KHDRBS2: variants seen among roughly 807,000 people sequenced by gnomAD.
KHDRBS2 encodes the protein KH RNA binding domain containing, signal transduction associated 2.
Under a neutral mutation model 44.3 loss-of-function variants are expected in KHDRBS2, and 26 were observed. The observed-to-expected ratio is 0.59, with a 90% CI of 0.43 to 0.81. KHDRBS2 has a LOEUF of 0.81. KHDRBS2 is among the 40% of genes least tolerant of loss of function. KHDRBS2 has a pLI of 0.00. For synonymous variants in KHDRBS2, 194 were observed against 151.1 expected, an observed-to-expected ratio of 1.28 and a Z score of -2.08; for missense variants, 476 against 433.1, an observed-to-expected ratio of 1.10 and a Z score of -0.88.
intron 6 of KHDRBS2, among the ~76,000 whole-genome samples, chr6:61,836,320 C>T (rs989028936): frequency 3.3e-5 from 5 of 152,108 alleles, no homozygotes; most frequent in East Asian, 3.9e-4. Flanking sequence ...CATAAACACA[C>T]GCAGGTTTCC....
Position 62,167,886 on chromosome 6 carries a change from T to G in KHDRBS2, c.219+9299A>C, listed in dbSNP as rs566382908. Among the ~76,000 whole-genome samples, 10 of 152,316 alleles carry G rather than the reference T, an allele frequency of 6.6e-5. No individual in the cohort carries two copies. In the East Asian group the frequency reaches 1.9e-3, roughly 29 times the overall value. ...TAGTTTCCACATTTAGGAACTATTC[T>G]TAAATGATCTGATAACTACTTTAAA... On this transcript the variant is annotated intron_variant, in intron 2 of 8. Coordinates refer to ENST00000281156, the MANE Select transcript of KHDRBS2 (RefSeq NM_152688.4).
Position 61,680,366 on chromosome 6 carries a change from A to G in KHDRBS2, c.*597T>C, listed in dbSNP as rs1412872998. ...TTTTTTTTTCTTTTTTAACAAATACAGGTTAAAACACTGAACAAATTCAGT... is the reference window on the plus strand; with the variant it reads ...TTTTTTTTTCTTTTTTAACAAATACGGGTTAAAACACTGAACAAATTCAGT... On this transcript the variant is annotated 3_prime_UTR_variant, in exon 9 of 9. Transcript: ENST00000281156. 6.6e-6 allele frequency: 1 copy of G among 152,228 alleles called. No homozygotes were observed. Among genetic ancestry groups the G allele is most frequent in the Non-Finnish European group, 1.5e-5 (1 of 67,862 alleles). The allele number at this position is 152,228 out of a possible 1,614,324, so 9.4% of individuals were successfully genotyped here.
At chr6:61,978,309 T>C in intron 3 of KHDRBS2, 97 bp from the exon 4 acceptor site, 1 of 874,422 alleles carries the variant, frequency 1.1e-6, no homozygotes, top group Non-Finnish European at 1.7e-6. Flanking sequence ...TTTAAGCAAA[T>C]TTTCCATAAT....
At chr6:61,879,465 T>C (rs1799908824) in intron 6 of KHDRBS2, among the ~76,000 whole-genome samples, 1 of 151,968 alleles carries the variant, frequency 6.6e-6, no homozygotes, top group Non-Finnish European at 1.5e-5. Context: ...TTTTCAGGCC[T>C]ATGTCTGATA....
At chr6:61,959,379 C>T (rs1362774988) in intron 4 of KHDRBS2, among the ~76,000 whole-genome samples, 1 of 152,100 alleles carries the variant, frequency 6.6e-6, no homozygotes, top group Non-Finnish European at 1.5e-5. Context: ...CATTAACAGG[C>T]AGTAAAATGA....
At chr6:62,120,596 C>G (rs542164288) in intron 2 of KHDRBS2, among the ~76,000 whole-genome samples, 2 of 152,152 alleles carry the variant, frequency 1.3e-5, no homozygotes, top group Non-Finnish European at 2.9e-5. Flanking sequence ...TAGTCTGATT[C>G]ATGTAGAGCT....
At chr6:61,956,839 A>C (rs996613275) in intron 4 of KHDRBS2, among the ~76,000 whole-genome samples, 5 of 152,062 alleles carry the variant, frequency 3.3e-5, no homozygotes, top group African/African-American at 1.2e-4. Flanking sequence ...TGATTTTTTT[A>C]AGGTCTGAGT....
intron 6 of KHDRBS2, among the ~76,000 whole-genome samples, chr6:61,827,687 T>A (rs574611748): frequency 6.6e-6 from 1 of 152,220 alleles, no homozygotes; most frequent in East Asian, 1.9e-4. Context: ...GAGATCAGAG[T>A]ACCAGTGTGG....
At chr6:62,240,589 A>AATACATATAC (rs1834437993) in intron 1 of KHDRBS2, among the ~76,000 whole-genome samples, 1 of 148,148 alleles carries the variant, frequency 6.8e-6, no homozygotes, top group Non-Finnish European at 1.5e-5. Context: ...ATATATACAT[A>AATACATATAC]ATACATATAC....
chr6:61,642,846 T>A, the KHDRBS2 span, among the ~76,000 whole-genome samples: 1 of 152,152 alleles, frequency 6.6e-6, no homozygotes, highest in South Asian at 2.1e-4. Flanking sequence ...AAATACATTT[T>A]ATTACTTTAT....
At chr6:61,817,229 A>G (rs1789109879) in intron 6 of KHDRBS2, among the ~76,000 whole-genome samples, 1 of 151,986 alleles carries the variant, frequency 6.6e-6, no homozygotes, top group Non-Finnish European at 1.5e-5. Context: ...AGTTTTTTAA[A>G]AAAGCACTTA....
chr6:62,141,696 T>G (rs530567738), intron 2 of KHDRBS2, among the ~76,000 whole-genome samples: 18 of 152,158 alleles, frequency 1.2e-4, no homozygotes, highest in Non-Finnish European at 2.4e-4. Flanking sequence ...ATAGTAAACA[T>G]TTCTTCTTTT....
chr6:61,726,584 C>A (rs78380463), intron 7 of KHDRBS2, among the ~76,000 whole-genome samples: 1 of 152,136 alleles, frequency 6.6e-6, no homozygotes, highest in African/African-American at 2.4e-5. Context: ...CCTCAGGATA[C>A]AAAATCAGTG....
At chr6:62,097,904 T>A (rs532843322) in intron 2 of KHDRBS2, among the ~76,000 whole-genome samples, 43 of 152,220 alleles carry the variant, frequency 2.8e-4, no homozygotes, top group African/African-American at 9.6e-4. Context: ...GTTTTTGCTT[T>A]GTGGTTATCA....
Position 62,119,648 on chromosome 6 carries a change from C to T in KHDRBS2, c.219+57537G>A, listed in dbSNP as rs185536541. 5.3e-5 allele frequency among the ~76,000 whole-genome samples: 8 copies of T among 152,280 alleles called. No individual in the cohort carries two copies. In the East Asian group the frequency reaches 7.7e-4, roughly 15 times the overall value. ...GGGAGGACCCTGATGAAGCTGGGGA[C>T]GCTAAGCTTGTAAACTCTGATAAGC... On this transcript the variant is annotated intron_variant, in intron 2 of 8. Transcript: ENST00000281156.
chr6:61,921,253 C>T (rs1808008261), intron 4 of KHDRBS2, among the ~76,000 whole-genome samples: 1 of 151,910 alleles, frequency 6.6e-6, no homozygotes, highest in African/African-American at 2.4e-5. Flanking sequence ...ATTTCCACTG[C>T]CTTGTTTTCA....
rs573972822 is a variant in KHDRBS2 at position 62,082,470 on chromosome 6, T to C, written c.220-34476A>G. On this transcript the variant is annotated intron_variant, in intron 2 of 8. Transcript: ENST00000281156. ...AAATGATGGATAAATCTTAAGGCTG[T>C]CCAGTGGATACCCTTCTCCCTCCAT... Among the ~76,000 whole-genome samples the C allele has an allele frequency of 5.3e-5, 8 of 152,228 alleles. No individual in the cohort carries two copies. In the East Asian group the frequency reaches 1.4e-3, roughly 26 times the overall value.
At chr6:61,655,803 C>A in the KHDRBS2 span, among the ~76,000 whole-genome samples, 1 of 151,976 alleles carries the variant, frequency 6.6e-6, no homozygotes, top group African/African-American at 2.4e-5. Flanking sequence ...ATCAGAAAAT[C>A]CTTGAATTGT....
At chr6:61,603,280 G>A in the KHDRBS2 span, among the ~76,000 whole-genome samples, 16 of 152,006 alleles carry the variant, frequency 1.1e-4, no homozygotes, top group African/African-American at 3.6e-4. Flanking sequence ...TCCACCACGT[G>A]GTGCCAAACC....
Sources: allele counts gnomAD v4.1 joint callset (sites outside exome capture counted in the v4.1 genomes callset), GRCh38; gene constraint gnomAD v4.1.1; transcripts MANE v1.5; gene names NCBI Gene and HGNC (gene_info 2026-07-23, HGNC 2026-07-21).